Variants in KLF12 observed in about 807,000 individuals in gnomAD.
KLF12 encodes the protein KLF transcription factor 12.
In KLF12, 9 loss-of-function variants were observed where a neutral mutation model predicts 37.8. The ratio of observed to expected loss-of-function variants is 0.24; its 90% CI spans 0.14 to 0.42. The LOEUF (loss-of-function observed/expected upper bound fraction) is 0.42. Among genes scored for constraint, KLF12 ranks in the 10% least tolerant of loss-of-function variants. The pLI is 1.00. For missense variants in KLF12, 411 were observed against 516.0 expected (o/e 0.80, Z 1.97); for synonymous variants, 208 against 202.1 (o/e 1.03, Z -0.25).
rs117073685 is a variant in KLF12 at position 73,694,045 on chromosome 13, A to G, written c.*1445T>C. 0.028 allele frequency: 4,246 copies of G among 152,686 alleles called. 87 individuals are homozygous for G. Among genetic ancestry groups the G allele is most frequent in the Middle Eastern group, 0.095 (28 of 294 alleles). 9.5% of individuals were successfully genotyped at this position (152,686 alleles called of 1,614,324 possible). ...GGGTTCAATATCCCTGCAGATGCCA[A>G]TGCAGGACACCTGGGTCCTGATACA... On this transcript the variant is annotated 3_prime_UTR_variant, in exon 8 of 8. Coordinates refer to ENST00000377669, the MANE Select transcript of KLF12 (RefSeq NM_007249.5).
Position 73,964,596 on chromosome 13 carries a change from C to T in KLF12, c.34-20526G>A, listed in dbSNP as rs557798694. Reference sequence around the variant, plus strand: ...CATCCTGGCTAACATGGTGAAACTCCGTCTCTACTTAAAAAAAAAAAAAAA... The same window carrying T: ...CATCCTGGCTAACATGGTGAAACTCTGTCTCTACTTAAAAAAAAAAAAAAA... On this transcript the variant is annotated intron_variant, in intron 2 of 7. Coordinates refer to ENST00000377669, the MANE Select transcript of KLF12 (RefSeq NM_007249.5). 1.5e-4 allele frequency among the ~76,000 whole-genome samples: 19 copies of T among 126,952 alleles called. No homozygotes were observed. The East Asian group carries it at 2.7e-3, about 18-fold the overall frequency. The allele number at this position is 126,952 out of a possible 152,430, so 83.3% of individuals were successfully genotyped here.
At chr13:74,170,496 A>G in the KLF12 span, among the ~76,000 whole-genome samples, 1 of 152,210 alleles carries the variant, frequency 6.6e-6, no homozygotes, top group Non-Finnish European at 1.5e-5. Flanking sequence ...TCCTTAATGT[A>G]AACCACATAT....
chr13:73,987,213 A>G (rs1891846737), intron 2 of KLF12, among the ~76,000 whole-genome samples: 1 of 152,202 alleles, frequency 6.6e-6, no homozygotes, highest in East Asian at 1.9e-4. Flanking sequence ...AATTATTAAC[A>G]TTATTAAATA....
At chr13:73,696,205 T>A (rs1428777023) in intron 7 of KLF12, among the ~76,000 whole-genome samples, 3 of 152,156 alleles carry the variant, frequency 2.0e-5, no homozygotes, top group African/African-American at 7.2e-5. Flanking sequence ...AGGTATTAAG[T>A]ACATATTGTT....
chr13:74,030,004 T>C (rs1222038025), intron 1 of KLF12, among the ~76,000 whole-genome samples: 1 of 152,124 alleles, frequency 6.6e-6, no homozygotes, highest in Non-Finnish European at 1.5e-5. Flanking sequence ...TAAGTATATG[T>C]GAATTTCCTC....
the KLF12 span, among the ~76,000 whole-genome samples, chr13:74,282,016 T>C: frequency 6.6e-6 from 1 of 152,144 alleles, no homozygotes; most frequent in Non-Finnish European, 1.5e-5. Flanking sequence ...CCAGGGATCA[T>C]CTGAAAGTTC....
intron 1 of KLF12, among the ~76,000 whole-genome samples, chr13:74,064,691 A>G (rs1480192688): frequency 1.3e-5 from 2 of 152,226 alleles, no homozygotes; most frequent in South Asian, 2.1e-4. Flanking sequence ...TACAGACACA[A>G]TAATTCACAG....
chr13:74,044,662 T>C (rs1211041495), intron 1 of KLF12, among the ~76,000 whole-genome samples: 1 of 151,978 alleles, frequency 6.6e-6, no homozygotes, highest in Non-Finnish European at 1.5e-5. Context: ...CTGACCAACA[T>C]GGTGAAACCC....
chr13:74,215,452 T>C, the KLF12 span, among the ~76,000 whole-genome samples: 6 of 146,330 alleles, frequency 4.1e-5, no homozygotes, highest in Non-Finnish European at 8.9e-5. Flanking sequence ...TTTTTTTTTT[T>C]CCAGGAACTG....
At chr13:73,867,529 T>C (rs2182666) in intron 3 of KLF12, among the ~76,000 whole-genome samples, 3,306 of 151,864 alleles carry the variant, frequency 0.022, 110 homozygotes, top group African/African-American at 0.073. Context: ...CCTACAAATA[T>C]AGTGTGAGAT....
the KLF12 span, among the ~76,000 whole-genome samples, chr13:74,234,393 T>C: frequency 1.3e-5 from 2 of 152,228 alleles, no homozygotes; most frequent in Non-Finnish European, 2.9e-5. Context: ...AGCAAGTGGC[T>C]TAATTTTTTT....
chr13:73,711,108 C>T (rs1307298870), intron 7 of KLF12, among the ~76,000 whole-genome samples: 3 of 152,148 alleles, frequency 2.0e-5, no homozygotes, highest in Non-Finnish European at 4.4e-5. Context: ...CAGTTCTTCA[C>T]GGCTGAGAGA....
intron 3 of KLF12, among the ~76,000 whole-genome samples, chr13:73,938,477 C>G (rs1890048554): frequency 6.6e-6 from 1 of 152,178 alleles, no homozygotes; most frequent in African/African-American, 2.4e-5. Context: ...CAAATCCTCT[C>G]AATTCCAGTG....
the KLF12 span, among the ~76,000 whole-genome samples, chr13:74,172,142 G>GACACACACACACCACAC: frequency 1.4e-5 from 2 of 145,960 alleles, no homozygotes; most frequent in Non-Finnish European, 3.0e-5. Flanking sequence ...TTTTCCTCAC[G>GACACACACACACCACAC]ACACACACAC....
chr13:73,962,401 A>G (rs1240084238), intron 2 of KLF12, among the ~76,000 whole-genome samples: 2 of 152,240 alleles, frequency 1.3e-5, no homozygotes, highest in Admixed American at 1.3e-4. Flanking sequence ...AGACTATGAT[A>G]GTGAATACAC....
At chr13:73,936,823 G>C (rs1257841741) in intron 3 of KLF12, among the ~76,000 whole-genome samples, 2 of 152,126 alleles carry the variant, frequency 1.3e-5, no homozygotes, top group African/African-American at 2.4e-5. Context: ...TGAGTTTCTA[G>C]TTGTTCATGG....
At chr13:74,074,575 C>T (rs1259329938) in intron 1 of KLF12, among the ~76,000 whole-genome samples, 1 of 152,054 alleles carries the variant, frequency 6.6e-6, no homozygotes, top group South Asian at 2.1e-4. Context: ...GGCCTAATCA[C>T]CTCTTAAAGG....
intron 3 of KLF12, among the ~76,000 whole-genome samples, chr13:73,925,598 T>G (rs1274396736): frequency 6.6e-6 from 1 of 152,216 alleles, no homozygotes; most frequent in Non-Finnish European, 1.5e-5. Flanking sequence ...ACATCCATTC[T>G]GCAGCCCGTG....
At chr13:74,112,354 T>TA (rs1877022974) in intron 1 of KLF12, among the ~76,000 whole-genome samples, 1 of 147,900 alleles carries the variant, frequency 6.8e-6, no homozygotes, top group South Asian at 2.1e-4. Flanking sequence ...CTTATTTTGT[T>TA]ACATTCCATT....
Sources: gnomAD v4.1 joint callset for allele counts (sites outside exome capture counted in the v4.1 genomes callset) on GRCh38, gnomAD v4.1.1 for gene constraint, MANE v1.5 for transcripts, NCBI Gene and HGNC (gene_info 2026-07-23, HGNC 2026-07-21) for gene names.